UGT8: variants seen among roughly 807,000 people sequenced by gnomAD.
UGT8 encodes the protein 2-hydroxyacylsphingosine 1-beta-galactosyltransferase.
UGT8 carries 12 observed loss-of-function variants against 40.5 expected under a neutral mutation model. The ratio of observed to expected loss-of-function variants is 0.30; its 90% CI spans 0.19 to 0.48. The LOEUF (loss-of-function observed/expected upper bound fraction) is 0.48, where lower values mean the gene tolerates loss of function less well. UGT8 is among the 20% of genes least tolerant of loss of function. UGT8 has a pLI of 0.99. For synonymous variants in UGT8, 224 were observed against 240.4 expected (o/e 0.93, Z 0.63); for missense variants, 513 against 648.7 (o/e 0.79, Z 2.27).
chr4:114,628,242 C>T (rs934522814), intron 2 of UGT8, among the ~76,000 whole-genome samples: 4 of 152,010 alleles, frequency 2.6e-5, no homozygotes, highest in Non-Finnish European at 4.4e-5. Context: ...TGGGTTCAAG[C>T]AATTCTCCTG....
chr4:114,617,567 G>T (rs1731520395), intron 1 of UGT8, among the ~76,000 whole-genome samples: 1 of 152,086 alleles, frequency 6.6e-6, no homozygotes, highest in Non-Finnish European at 1.5e-5. Context: ...CAAGATTCTG[G>T]CAGCATGTTA....
chr4:114,630,566 A>T (rs1578424054), intron 2 of UGT8, among the ~76,000 whole-genome samples: 1 of 151,870 alleles, frequency 6.6e-6, no homozygotes, highest in African/African-American at 2.4e-5. Flanking sequence ...TGTAGGAGGG[A>T]TGTGGAGCAT....
intron 4 of UGT8, 124 bp from the exon 5 acceptor site, chr4:114,667,961 C>T (rs571247786): frequency 1.4e-5 from 20 of 1,443,734 alleles, no homozygotes; most frequent in Middle Eastern, 4.9e-4. Context: ...TGAAATTACA[C>T]CTTTAGGAAT....
At chr4:114,673,879 T>G (rs970684676) in intron 5 of UGT8, among the ~76,000 whole-genome samples, 1 of 152,178 alleles carries the variant, frequency 6.6e-6, no homozygotes, top group Non-Finnish European at 1.5e-5. Flanking sequence ...GAGGATGGCC[T>G]TTTAATATTT....
In UGT8 at chr4:114,649,718, C is replaced by T. The variant is rs78263311; in HGVS notation, c.823-14277C>T. Among the ~76,000 whole-genome samples the T allele has an allele frequency of 6.1e-3, 928 of 152,192 alleles. 11 individuals carry two copies. Among genetic ancestry groups the T allele is most frequent in the African/African-American group, 0.021 (886 of 41,520 alleles). ...CTAGAAAATGTAGTCTTTAGCTGGG[C>T]TGCAGTATGCCCGGCTAAAAGTTGG... On this transcript the variant is annotated intron_variant, in intron 2 of 5. Coordinates refer to ENST00000310836, the MANE Select transcript of UGT8 (RefSeq NM_001128174.3).
rs775938330 is a variant in UGT8, at chr4:114,622,946, A to G, written c.66A>G (p.Lys22=). 6.2e-7 allele frequency: 1 copy of G among 1,614,110 alleles called. No individual in the cohort carries two copies. ...WSAVGIAKAA[K]IIIVPPIMFE... Reference sequence around the variant, plus strand: ...CTGTTGGGATAGCGAAGGCTGCCAAAATCATCATCGTGCCGCCAATTATGT... The same window carrying G: ...CTGTTGGGATAGCGAAGGCTGCCAAGATCATCATCGTGCCGCCAATTATGT... Residue 22 remains lysine, a synonymous_variant, in exon 2 of 6, where the codon AAA becomes AAG. Transcript: ENST00000310836.
chr4:114,663,798 T>G, intron 2 of UGT8, 197 bp from the exon 3 acceptor site: 1 of 985,316 alleles, frequency 1.0e-6, no homozygotes, highest in Non-Finnish European at 1.2e-6. Flanking sequence ...ATAAACCACA[T>G]GTCCTCATTT....
At chr4:114,664,236 C>CA in intron 3 of UGT8, 99 bp downstream of exon 3, 1 of 1,249,108 alleles carries the variant, frequency 8.0e-7, no homozygotes, top group South Asian at 1.5e-5. Context: ...GTTTCCCTGA[C>CA]AAGATTAGCA....
chr4:114,667,816 T>G, intron 4 of UGT8: 1 of 751,676 alleles, frequency 1.3e-6, no homozygotes, highest in Non-Finnish European at 1.6e-6. Flanking sequence ...AAATATGTGT[T>G]GTTAGTCATG....
At chr4:114,633,451 A>T (rs968221671) in intron 2 of UGT8, among the ~76,000 whole-genome samples, 1 of 152,188 alleles carries the variant, frequency 6.6e-6, no homozygotes, top group Non-Finnish European at 1.5e-5. Context: ...CAAAGTGGGA[A>T]GGACTTTACA....
intron 2 of UGT8, among the ~76,000 whole-genome samples, chr4:114,637,932 C>A (rs146291134): frequency 1.3e-5 from 2 of 152,146 alleles, no homozygotes; most frequent in Non-Finnish European, 2.9e-5. Context: ...TTGGGCTAAA[C>A]GAACCTTCAG....
chr4:114,665,347 T>C, intron 3 of UGT8: 1 of 983,072 alleles, frequency 1.0e-6, no homozygotes, highest in Non-Finnish European at 1.2e-6. Flanking sequence ...TCTGGCTGTT[T>C]GTGGGGAATA....
In UGT8 at chr4:114,622,968, A is replaced by T. The variant is rs774055289; in HGVS notation, c.88A>T (p.Met30Leu). The change falls in exon 2 of 6, where the codon ATG (methionine) becomes TTG (leucine). Residue 30 changes from methionine (M) to leucine (L), a missense_variant. Physicochemically the swap from Met to Leu is conservative, Grantham distance 15 (BLOSUM62 2). Around this residue, in one of 3 missense-constraint regions of UGT8, gnomAD observed 335 missense variants for 444.8 expected, o/e 0.75. Coordinates refer to ENST00000310836, the MANE Select transcript of UGT8 (RefSeq NM_001128174.3). ...AAKIIIVPPI[M>L]FESHMYIFKT... The stretch of plus-strand genomic sequence containing the variant: ...CAAAATCATCATCGTGCCGCCAATT[A>T]TGTTTGAAAGCCATATGTACATTTT... 3 of 1,614,074 alleles carry T rather than the reference A, an allele frequency of 1.9e-6. No homozygotes were observed. Among genetic ancestry groups the T allele is most frequent in the Non-Finnish European group, 2.5e-6 (3 of 1,180,000 alleles).
chr4:114,605,284 T>C (rs1560663280), intron 1 of UGT8, among the ~76,000 whole-genome samples: 1 of 152,168 alleles, frequency 6.6e-6, no homozygotes, highest in Non-Finnish European at 1.5e-5. Context: ...AGATGTATAG[T>C]AGGAACATTT....
intron 2 of UGT8, among the ~76,000 whole-genome samples, chr4:114,659,910 T>G (rs1734413665): frequency 6.6e-6 from 1 of 152,174 alleles, no homozygotes; most frequent in Non-Finnish European, 1.5e-5. Context: ...CAGAATAGAA[T>G]TCAGAAACAG....
intron 1 of UGT8, among the ~76,000 whole-genome samples, chr4:114,613,372 TTTAA>T (rs1474313811): frequency 3.0e-4 from 46 of 152,254 alleles, no homozygotes; most frequent in Middle Eastern, 6.8e-3. Flanking sequence ...TAGTTTAGAA[TTTAA>T]TTAATTAAGT....
intron 1 of UGT8, chr4:114,622,272 A>G (rs2126097257): frequency 6.6e-6 from 1 of 151,618 alleles, no homozygotes. Context: ...TGTCCCTACA[A>G]AGGACATGAA....
intron 1 of UGT8, among the ~76,000 whole-genome samples, chr4:114,600,855 C>CT (rs1173080753): frequency 1.3e-5 from 2 of 152,108 alleles, no homozygotes; most frequent in African/African-American, 4.8e-5. Context: ...TTCAGCAACT[C>CT]TTCTAGATAA....
intron 2 of UGT8, among the ~76,000 whole-genome samples, chr4:114,652,631 GA>G (rs1205117010): frequency 3.3e-5 from 5 of 151,904 alleles, no homozygotes; most frequent in African/African-American, 1.2e-4. Context: ...TGTATTAATG[GA>G]AAAAAGTCAT....
Sources: allele counts gnomAD v4.1 joint callset (sites outside exome capture counted in the v4.1 genomes callset), GRCh38; gene constraint gnomAD v4.1.1; regional missense constraint gnomAD v4.1.1; transcripts MANE v1.5; gene names NCBI Gene and HGNC (gene_info 2026-07-23, HGNC 2026-07-21).